Variants in ATP1A1 observed in about 807,000 individuals in gnomAD.
ATP1A1 encodes sodium/potassium-transporting ATPase subunit alpha-1.
ATP1A1 carries 14 observed loss-of-function variants against 114.8 expected under a neutral mutation model. The ratio of observed to expected loss-of-function variants is 0.12; its 90% confidence interval spans 0.08 to 0.19. ATP1A1 has a LOEUF of 0.19. Among genes scored for constraint, ATP1A1 ranks in the 10% least tolerant of loss-of-function variants. The pLI is 1.00. For missense variants in ATP1A1, 524 were observed against 1,290.7 expected (o/e 0.41, Z 9.10); for synonymous variants, 471 against 466.3 (o/e 1.01, Z -0.13).
Position 116,373,522 on chromosome 1 carries a change from G to A in ATP1A1, c.11G>A (p.Gly4Glu). The A allele has an allele frequency of 6.8e-7, 1 of 1,476,176 alleles. No individual in the cohort carries two copies. The highest frequency in any genetic ancestry group is 9.0e-7 in the Non-Finnish European group (1 of 1,116,432). The allele number at this position is 1,476,176 out of a possible 1,614,324, so 91.4% of individuals were successfully genotyped here. ...CTGAGCACCGCCACCATGGGGAAGG[G>A]GGTGAGTGTCCGGCGCGCCCGGGGA... is the stretch of plus-strand genomic sequence containing the variant. Reference protein sequence around the residue: MGKGVGRDKYEPAA... With the variant: MGKEVGRDKYEPAA... The change falls in exon 1 of 23, where the codon GGG becomes GAG. Residue 4 changes from glycine to glutamate, a missense_variant and splice_region_variant. Physicochemically the swap from Gly to Glu is moderately conservative, Grantham distance 98. Transcript: ENST00000295598.
In ATP1A1 at chr1:116,401,542, C is replaced by T. The variant is rs749063560; in HGVS notation, c.2850-12C>T. ...CACCTTTTAAGTTTTTTCTCCCCTA[C>T]TTTGATTTTAGGAACAAGATCTTGA... On this transcript the variant is annotated splice_polypyrimidine_tract_variant and intron_variant, in intron 20 of 22. Transcript: ENST00000295598. The surrounding 1 kb of genome is among the most constrained non-coding windows in gnomAD (Gnocchi z 4.7). The T allele has an allele frequency of 1.9e-6, 3 of 1,613,518 alleles. No homozygotes were observed. The highest frequency in any genetic ancestry group is 2.5e-6 in the Non-Finnish European group (3 of 1,179,708).
At position 116,393,447 on chromosome 1, in the gene ATP1A1, A is replaced by G. The variant is rs1010040437; in HGVS notation, c.1468-84A>G. The G allele has an allele frequency of 2.8e-6, 4 of 1,428,298 alleles. No homozygotes were observed. In the African/African-American group the frequency reaches 5.7e-5, roughly 20 times the overall value. 88.5% of individuals were successfully genotyped at this position (1,428,298 alleles called of 1,614,324 possible). ...TCTTGGGTCTTTTATAGCAAATACT[A>G]AATAGTAAGTGAAGCTTTGTTTTCC... On this transcript the variant is annotated intron_variant, in intron 11 of 22. Transcript: ENST00000295598. The surrounding 1 kb of genome is among the most constrained non-coding windows in gnomAD (Gnocchi z 5.0).
chr1:116,390,879 A>G lies in ATP1A1; in HGVS notation c.1320A>G (p.Leu440=), dbSNP rs756234339. 4 of 1,613,736 alleles carry G rather than the reference A, an allele frequency of 2.5e-6. No individual in the cohort carries two copies. Among genetic ancestry groups the G allele is most frequent in the Middle Eastern group, 1.7e-4 (1 of 6,060 alleles). ...RAVFQANQEN[L]PILKRAVAGD... ...TGTTTCAGGCTAACCAGGAAAACCT[A>G]CCTATTCTTAAGGTATGCTCAAGAG... is the stretch of plus-strand genomic sequence containing the variant. The change falls in exon 10 of 23, where the codon CTA becomes CTG. Residue 440 remains leucine (L), a synonymous_variant. Transcript: ENST00000295598.
In ATP1A1 at chr1:116,404,480, ACACT is replaced by A. The variant is rs1431582750; in HGVS notation, c.*38_*41del. Reference sequence around the variant, plus strand: ...TGCACGCCGTGGAGCATCAGGCCACACACTCTGCATCCGACACCCACCCCCTCTT... The same window carrying A: ...TGCACGCCGTGGAGCATCAGGCCACACTGCATCCGACACCCACCCCCTCTT... On this transcript the variant is annotated 3_prime_UTR_variant, in exon 23 of 23. Transcript: ENST00000295598. This position sits in a 1 kb window ranked among gnomAD's most constrained non-coding sequence, Gnocchi z 4.8. 6.3e-7 allele frequency: 1 copy of A among 1,597,176 alleles called. No homozygotes were observed. The highest frequency in any genetic ancestry group is 1.4e-5 in the African/African-American group (1 of 73,578).
In ATP1A1 at chr1:116,387,275, C is replaced by T. The variant is rs753390391; in HGVS notation, c.184-13C>T. 13 of 1,613,740 alleles carry T rather than the reference C, an allele frequency of 8.1e-6. No individual in the cohort carries two copies. Among genetic ancestry groups the T allele is most frequent in the Non-Finnish European group, 1.1e-5 (13 of 1,179,970 alleles). On this transcript the variant is annotated splice_polypyrimidine_tract_variant and intron_variant, in intron 3 of 22. Transcript: ENST00000295598. The surrounding 1 kb of genome is among the most constrained non-coding windows in gnomAD (Gnocchi z 6.7). ...GGTACAGTTTGCCTTATTTATATTC[C>T]ACTGCTTCTCAGGGATTAACATCTG...
chr1:116,400,570 G>C (rs142965286), intron 18 of ATP1A1, among the ~76,000 whole-genome samples: 7 of 152,258 alleles, frequency 4.6e-5, no homozygotes, highest in East Asian at 1.9e-4. Flanking sequence ...AGAAGCAGCT[G>C]GTCAAGTAAC....
chr1:116,389,356 C>G lies in ATP1A1; in HGVS notation c.755-83C>G. ...TATCAACTCTTTTTGTTTTTTTAGT[C>G]ATCCTATGTAATTGTGTAAAATCCG... is the stretch of plus-strand genomic sequence containing the variant. On this transcript the variant is annotated intron_variant, in intron 7 of 22. Coordinates refer to ENST00000295598, the MANE Select transcript of ATP1A1 (RefSeq NM_000701.8). This position sits in a 1 kb window ranked among gnomAD's most constrained non-coding sequence, Gnocchi z 6.9. 2 of 1,529,494 alleles carry G rather than the reference C, an allele frequency of 1.3e-6. No homozygotes were observed. Among genetic ancestry groups the G allele is most frequent in the Non-Finnish European group, 1.8e-6 (2 of 1,132,200 alleles). 94.7% of individuals were successfully genotyped at this position (1,529,494 alleles called of 1,614,324 possible).
At chr1:116,374,214 T>C (rs1651199120) in intron 1 of ATP1A1, 2 of 1,551,360 alleles carry the variant, frequency 1.3e-6, no homozygotes, top group Non-Finnish European at 1.7e-6. Flanking sequence ...AAAGGGTGTG[T>C]CTTCACTGCC....
In ATP1A1 at chr1:116,395,006, A is replaced by C. The variant is rs1557789509; in HGVS notation, c.1661-104A>C. On this transcript the variant is annotated intron_variant, in intron 12 of 22. Transcript: ENST00000295598. The surrounding 1 kb of genome is among the most constrained non-coding windows in gnomAD (Gnocchi z 6.4). Reference sequence around the variant, plus strand: ...AAATATAGACTTTAAAAATTTTCCAAAGTAAACACTCCAGAGAAAGGTAGG... The same window carrying C: ...AAATATAGACTTTAAAAATTTTCCACAGTAAACACTCCAGAGAAAGGTAGG... 1.6e-6 allele frequency: 2 copies of C among 1,231,560 alleles called. No individual in the cohort carries two copies. The highest frequency in any genetic ancestry group is 1.7e-5 in the South Asian group (1 of 60,018). The allele number at this position is 1,231,560 out of a possible 1,614,324, so 76.3% of individuals were successfully genotyped here.
chr1:116,383,205 G>C (rs1651859746), intron 1 of ATP1A1: 2 of 212,960 alleles, frequency 9.4e-6, no homozygotes, highest in Admixed American at 1.3e-4. Context: ...AACATTTCCA[G>C]AGACTTTCAT....
chr1:116,373,598 C>T, intron 1 of ATP1A1, 75 bp downstream of exon 1: 1 of 1,308,048 alleles, frequency 7.6e-7, no homozygotes, highest in Non-Finnish European at 9.9e-7. Context: ...GGAGGGCGAC[C>T]GCGGCCAGCG....
In ATP1A1 at chr1:116,387,218, C is replaced by A; in HGVS notation, c.184-70C>A. 6.5e-7 allele frequency: 1 copy of A among 1,549,184 alleles called. No homozygotes were observed. Among genetic ancestry groups the A allele is most frequent in the Non-Finnish European group, 8.9e-7 (1 of 1,128,400 alleles). ...TTAAATCCTTATTGCAACCGTCCAG[C>A]TACCAGGTAGGTATATTGCCTTGTA... On this transcript the variant is annotated intron_variant, in intron 3 of 22. Transcript: ENST00000295598. This position sits in a 1 kb window ranked among gnomAD's most constrained non-coding sequence, Gnocchi z 6.7.
At position 116,397,823 on chromosome 1, in the gene ATP1A1, G is replaced by C. The variant is rs1353363712; in HGVS notation, c.1974-65G>C. 1.3e-6 allele frequency: 2 copies of C among 1,550,546 alleles called. No individual in the cohort carries two copies. The highest frequency in any genetic ancestry group is 1.7e-6 in the Non-Finnish European group (2 of 1,147,148). On this transcript the variant is annotated intron_variant, in intron 14 of 22. Coordinates refer to ENST00000295598, the MANE Select transcript of ATP1A1 (RefSeq NM_000701.8). This position sits in a 1 kb window ranked among gnomAD's most constrained non-coding sequence, Gnocchi z 4.2. Reference sequence around the variant, plus strand: ...GATCTGCATAAGAATATCCCCTCTTGAGGTGATGGACACATGCTGGTGATG... The same window carrying C: ...GATCTGCATAAGAATATCCCCTCTTCAGGTGATGGACACATGCTGGTGATG...
chr1:116,401,685 G>A lies in ATP1A1; in HGVS notation c.2951+30G>A. ...GTTGATCCTCTGGTAGCTCCAAAAA[G>A]TATGAAATAGTATGTGTGGCTTTTC... On this transcript the variant is annotated intron_variant, in intron 21 of 22. Coordinates refer to ENST00000295598, the MANE Select transcript of ATP1A1 (RefSeq NM_000701.8). The surrounding 1 kb of genome is among the most constrained non-coding windows in gnomAD (Gnocchi z 4.7). 6.3e-7 allele frequency: 1 copy of A among 1,581,552 alleles called. No homozygotes were observed. The highest frequency in any genetic ancestry group is 8.7e-7 in the Non-Finnish European group (1 of 1,152,814).
rs536872169 is a variant in ATP1A1, at chr1:116,402,438, C to T, written c.2951+783C>T. Among the ~76,000 whole-genome samples, 6 of 152,266 alleles carry T rather than the reference C, an allele frequency of 3.9e-5. No individual in the cohort carries two copies. The East Asian group carries it at 1.2e-3, about 29-fold the overall frequency. The stretch of plus-strand genomic sequence containing the variant: ...CTGCTGTCCTCATCCTTGCTCAGAC[C>T]CGTCTGGACCATCTCTCAATCCCCT... On this transcript the variant is annotated intron_variant, in intron 21 of 22. Coordinates refer to ENST00000295598, the MANE Select transcript of ATP1A1 (RefSeq NM_000701.8).
At chr1:116,403,848 G>C (rs535384986) in intron 21 of ATP1A1, 36 bp from the exon 22 acceptor site, 3 of 1,521,992 alleles carry the variant, frequency 2.0e-6, no homozygotes, top group South Asian at 2.3e-5. Flanking sequence ...AACTGTGTTC[G>C]TGTGCATATA....
chr1:116,374,105 G>T (rs1010285622), intron 1 of ATP1A1: 3 of 1,486,808 alleles, frequency 2.0e-6, no homozygotes, highest in Non-Finnish European at 1.8e-6. Flanking sequence ...TCCTGGGGAC[G>T]CTGGGGCTTA....
chr1:116,401,214 G>A lies in ATP1A1; in HGVS notation c.2803G>A (p.Val935Ile). ...CGTGGTGGTGCAGTGGGCCGACTTG[G>A]TCATCTGTAAGACCAGGAGGAATTC... ...SIVVVQWADL[V>I]ICKTRRNSVF... is the part of the protein sequence containing the mutation. Residue 935 changes from valine to isoleucine, a missense_variant, in exon 20 of 23, where the codon GTC (valine) becomes ATC (isoleucine). Val to Ile is a conservative substitution (Grantham distance 29). Around this residue, in one of 8 missense-constraint regions of ATP1A1, gnomAD observed 84 missense variants for 209.3 expected, o/e 0.40. Transcript: ENST00000295598. This position sits in a 1 kb window ranked among gnomAD's most constrained non-coding sequence, Gnocchi z 4.7. 1.2e-6 allele frequency: 2 copies of A among 1,614,194 alleles called. No individual in the cohort carries two copies. Among genetic ancestry groups the A allele is most frequent in the Non-Finnish European group, 1.7e-6 (2 of 1,180,040 alleles).
In ATP1A1 at chr1:116,388,335, T is replaced by G; in HGVS notation, c.501+91T>G. 1 of 1,164,498 alleles carries G rather than the reference T, an allele frequency of 8.6e-7. No individual in the cohort carries two copies. Among genetic ancestry groups the G allele is most frequent in the Non-Finnish European group, 1.3e-6 (1 of 792,840 alleles). The allele number at this position is 1,164,498 out of a possible 1,614,324, so 72.1% of individuals were successfully genotyped here. A position where few individuals can be genotyped will look rare whatever the true frequency, so the allele number is the denominator to read the frequency against. ...TAGTGTGAAGTTAAGGTTTTCCAAGTATTACATGACTCATCAGAGAGATGG... is the reference window on the plus strand; with the variant it reads ...TAGTGTGAAGTTAAGGTTTTCCAAGGATTACATGACTCATCAGAGAGATGG... On this transcript the variant is annotated intron_variant, in intron 5 of 22. Transcript: ENST00000295598. This position sits in a 1 kb window ranked among gnomAD's most constrained non-coding sequence, Gnocchi z 5.6.
Sources: allele counts gnomAD v4.1 joint callset (sites outside exome capture counted in the v4.1 genomes callset), GRCh38; gene constraint gnomAD v4.1.1; regional missense constraint gnomAD v4.1.1; non-coding constraint Gnocchi (gnomAD v3.1); transcripts MANE v1.5; gene names NCBI Gene and HGNC (gene_info 2026-07-23, HGNC 2026-07-21).